The following PDE4B variants were observed in gnomAD, a reference collection of about 807,000 sequenced individuals.
PDE4B encodes the protein phosphodiesterase 4B.
Under a neutral mutation model 82.2 loss-of-function variants are expected in PDE4B, and 20 were observed. The observed-to-expected ratio is 0.24, with a 90% CI of 0.17 to 0.35. The LOEUF is 0.35. Among genes scored for constraint, PDE4B ranks in the 10% least tolerant of loss-of-function variants. PDE4B has a pLI of 1.00. For missense variants in PDE4B, 655 were observed against 907.2 expected, an observed-to-expected ratio of 0.72 and a Z score of 3.57; for synonymous variants, 320 against 318.9, an observed-to-expected ratio of 1.00 and a Z score of -0.04.
chr1:66,187,619 G>A (rs139795284), intron 3 of PDE4B, among the ~76,000 whole-genome samples: 76,082 of 151,922 alleles, frequency 0.5, 19,672 homozygotes, highest in South Asian at 0.63. Context: ...GTTTATTTGC[G>A]TAGAGGTGTT....
intron 1 of PDE4B, among the ~76,000 whole-genome samples, chr1:65,824,897 G>C (rs976639864): frequency 6.6e-6 from 1 of 152,120 alleles, no homozygotes; most frequent in Non-Finnish European, 1.5e-5. Flanking sequence ...TGATGCTACA[G>C]ATCATCAGAA....
chr1:66,011,188 G>A (rs1569967909), intron 3 of PDE4B, among the ~76,000 whole-genome samples: 1 of 114,436 alleles, frequency 8.7e-6, no homozygotes, highest in African/African-American at 3.4e-5. Flanking sequence ...TTGTTTTTAT[G>A]TTTTTTTGCT....
chr1:65,985,938 G>GAAT (rs996755311), intron 3 of PDE4B, among the ~76,000 whole-genome samples: 1 of 151,964 alleles, frequency 6.6e-6, no homozygotes, highest in African/African-American at 2.4e-5. Context: ...GCAGGAATGT[G>GAAT]AATAATAATA....
chr1:66,147,203 A>G (rs909403237), intron 3 of PDE4B, among the ~76,000 whole-genome samples: 2 of 152,208 alleles, frequency 1.3e-5, no homozygotes, highest in Non-Finnish European at 2.9e-5. Context: ...GTCAAAGACC[A>G]TTTTCAAATT....
intron 3 of PDE4B, among the ~76,000 whole-genome samples, chr1:66,244,520 T>C (rs574348669): frequency 7.9e-5 from 12 of 152,330 alleles, no homozygotes; most frequent in African/African-American, 2.4e-4. Context: ...TTATTAAGCC[T>C]GTCCTCAGCC....
intron 9 of PDE4B, among the ~76,000 whole-genome samples, chr1:66,357,484 A>T (rs781260921): frequency 3.9e-5 from 6 of 152,042 alleles, no homozygotes; most frequent in Non-Finnish European, 7.4e-5. Context: ...GATGAGGCAG[A>T]TGTCAACTTT....
intron 4 of PDE4B, among the ~76,000 whole-genome samples, chr1:66,247,941 G>C (rs1653453753): frequency 2.0e-5 from 3 of 152,146 alleles, no homozygotes; most frequent in African/African-American, 7.2e-5. Flanking sequence ...CTGAACTGTT[G>C]AGTCATTTAT....
intron 3 of PDE4B, among the ~76,000 whole-genome samples, chr1:65,954,939 G>T (rs1569806534): frequency 1.3e-5 from 2 of 151,848 alleles, no homozygotes; most frequent in African/African-American, 4.8e-5. Flanking sequence ...AAATGAAGTA[G>T]CCAAACCTAG....
rs1250642245 is a variant in PDE4B, at chr1:66,369,057, A to C, written c.1845+88A>C. 5 of 954,470 alleles carry C rather than the reference A, an allele frequency of 5.2e-6. No individual in the cohort carries two copies. The African/African-American group carries it at 8.4e-5, about 16-fold the overall frequency. 59.1% of individuals were successfully genotyped at this position (954,470 alleles called of 1,614,324 possible). ...TATTTAATTCCGTTTTTCCAATAGA[A>C]TATGTATATATGAAACAATAAGGAG... On this transcript the variant is annotated intron_variant, in intron 16 of 16. Coordinates refer to ENST00000341517, the MANE Select transcript of PDE4B (RefSeq NM_002600.4).
intron 1 of PDE4B, among the ~76,000 whole-genome samples, chr1:65,842,306 T>G (rs1646216584): frequency 6.6e-6 from 1 of 152,148 alleles, no homozygotes; most frequent in Non-Finnish European, 1.5e-5. Flanking sequence ...ATTATAGTGT[T>G]TTTATTCAGT....
At chr1:66,052,554 A>AG (rs1308129645) in intron 3 of PDE4B, among the ~76,000 whole-genome samples, 1 of 95,106 alleles carries the variant, frequency 1.1e-5, no homozygotes, top group Non-Finnish European at 2.2e-5. Context: ...TCAGGGACCG[A>AG]GTTTTTTTTT....
intron 1 of PDE4B, among the ~76,000 whole-genome samples, chr1:65,842,201 G>T (rs759602191): frequency 1.3e-5 from 2 of 152,092 alleles, no homozygotes; most frequent in Non-Finnish European, 2.9e-5. Flanking sequence ...ATTGAGTATT[G>T]ACTTGCCAGA....
In PDE4B at chr1:66,106,978, T is replaced by C. The variant is rs1645376107; in HGVS notation, c.282-140482T>C. ...ATTTTAGTTATTTCTTGCCTTCTGC[T>C]AGCTTTGAATGTGTTTGCTCTTGCT... On this transcript the variant is annotated intron_variant, in intron 3 of 16. Transcript: ENST00000341517. 3.4e-5 allele frequency among the ~76,000 whole-genome samples: 5 copies of C among 148,978 alleles called. 1 individual carries two copies. The South Asian group carries it at 1.1e-3, about 33-fold the overall frequency.
chr1:65,836,976 C>T (rs1570995035), intron 1 of PDE4B, among the ~76,000 whole-genome samples: 6 of 152,242 alleles, frequency 3.9e-5, no homozygotes, highest in Admixed American at 3.9e-4. Flanking sequence ...AGGGAGAAGA[C>T]TTCCTTTTTA....
intron 7 of PDE4B, among the ~76,000 whole-genome samples, chr1:66,296,187 A>G (rs1229151525): frequency 3.3e-5 from 5 of 151,972 alleles, no homozygotes; most frequent in African/African-American, 1.2e-4. Context: ...TTTCTTTCCC[A>G]CTAGACTTAT....
chr1:66,079,609 T>C (rs1157183135), intron 3 of PDE4B, among the ~76,000 whole-genome samples: 1 of 152,110 alleles, frequency 6.6e-6, no homozygotes, highest in Admixed American at 6.6e-5. Context: ...AAGAGTTATT[T>C]AGAGAAAAGA....
chr1:65,938,052 GT>G (rs570486026), intron 3 of PDE4B, among the ~76,000 whole-genome samples: 2,237 of 152,274 alleles, frequency 0.015, 25 homozygotes, highest in Non-Finnish European at 0.022. Flanking sequence ...GGTGTGAATA[GT>G]TTTATAATAA....
At chr1:65,946,513 T>C (rs968093886) in intron 3 of PDE4B, among the ~76,000 whole-genome samples, 1 of 151,976 alleles carries the variant, frequency 6.6e-6, no homozygotes, top group Non-Finnish European at 1.5e-5. Flanking sequence ...CTTCAGCTGG[T>C]GAGAGCAGTT....
At chr1:66,307,430 G>A in intron 7 of PDE4B, among the ~76,000 whole-genome samples, 1 of 152,086 alleles carries the variant, frequency 6.6e-6, no homozygotes, top group South Asian at 2.1e-4. Context: ...TGAAGCAGAT[G>A]GTTAAAAGCG....
Sources: gnomAD v4.1 joint callset for allele counts (sites outside exome capture counted in the v4.1 genomes callset) on GRCh38, gnomAD v4.1.1 for gene constraint, MANE v1.5 for transcripts, NCBI Gene and HGNC (gene_info 2026-07-23, HGNC 2026-07-21) for gene names.